ASL: variants seen among roughly 807,000 people sequenced by gnomAD.
The protein encoded by ASL is argininosuccinase.
ASL carries 51 observed loss-of-function variants against 69.1 expected under a neutral mutation model. The observed-to-expected ratio is 0.74, with a 90% CI of 0.59 to 0.93. ASL has a LOEUF of 0.93. ASL is among the 40% of genes least tolerant of loss of function. The pLI, the probability that ASL is intolerant of heterozygous loss-of-function variation, is 0.00. For synonymous variants in ASL, 241 were observed against 247.6 expected (o/e 0.97, Z 0.25); for missense variants, 540 against 623.9 (o/e 0.87, Z 1.43).
intron 14 of ASL, among the ~76,000 whole-genome samples, chr7:66,090,711 C>T (rs1055079334): frequency 6.6e-6 from 1 of 152,164 alleles, no homozygotes; most frequent in Non-Finnish European, 1.5e-5. Context: ...TCTTTACCCA[C>T]AGCTCTCTCC....
intron 2 of ASL, among the ~76,000 whole-genome samples, chr7:66,079,319 CCCTT>C (rs1476950455): frequency 3.9e-5 from 6 of 152,158 alleles, no homozygotes; most frequent in African/African-American, 7.2e-5. Flanking sequence ...ATTGTAGACT[CCCTT>C]CCACAAAAAG....
chr7:66,087,862 T>A, intron 10 of ASL, 71 bp downstream of exon 10: 1 of 1,577,310 alleles, frequency 6.3e-7, no homozygotes, highest in East Asian at 2.2e-5. Flanking sequence ...CTCTCCAGTT[T>A]CCTCCCACAC....
In ASL at chr7:66,081,962, GC is replaced by G; in HGVS notation, c.174del (p.Glu59ArgfsTer9). On this transcript the variant is annotated frameshift_variant, in exon 3 of 17. Coordinates refer to ENST00000304874, the MANE Select transcript of ASL (RefSeq NM_000048.4). LOFTEE classifies it high-confidence loss of function. ...GGAGAAGGCAGGGCTCCTCACCAAG[GC>G]CGAGATGGACCAGATACTCCATGGC... ...GLEKAGLLTKAEMDQILHGLD... is the reference protein window; with the variant it reads ...GLEKAGLLTKXEMDQILHGLD... The G allele has an allele frequency of 6.2e-7, 1 of 1,612,898 alleles. No homozygotes were observed. The highest frequency in any genetic ancestry group is 8.5e-7 in the Non-Finnish European group (1 of 1,179,638).
intron 6 of ASL, 39 bp from the exon 7 acceptor site, chr7:66,086,546 T>C: frequency 6.2e-7 from 1 of 1,608,310 alleles, no homozygotes; most frequent in Non-Finnish European, 8.5e-7. Context: ...AGGCCTTGCA[T>C]GAGCCTCCAC....
rs922825908 is a variant in ASL, at chr7:66,087,193, C to G, written c.603-141C>G. On this transcript the variant is annotated intron_variant, in intron 8 of 16. Transcript: ENST00000304874. ...AGACTGGGCCAGGGAAGAGGCTAAG[C>G]GCCAGGTGGTTGCCCTGGCAACCAG... 1.8e-5 allele frequency: 17 copies of G among 954,956 alleles called. No individual in the cohort carries two copies. The African/African-American group carries it at 2.4e-4, about 14-fold the overall frequency. 59.2% of individuals were successfully genotyped at this position (954,956 alleles called of 1,614,324 possible).
chr7:66,082,006 C>A lies in ASL; in HGVS notation c.207+9C>A, dbSNP rs766219256. The A allele has an allele frequency of 1.3e-6, 2 of 1,594,468 alleles. No homozygotes were observed. The highest frequency in any genetic ancestry group is 2.3e-5 in the East Asian group (1 of 44,084). Reference sequence around the variant, plus strand: ...TCCATGGCCTAGACAAGGTACTTGCCGTGGCCCAAGCCCCACCCAAGGCCC... The same window carrying A: ...TCCATGGCCTAGACAAGGTACTTGCAGTGGCCCAAGCCCCACCCAAGGCCC... On this transcript the variant is annotated intron_variant, in intron 3 of 16. Coordinates refer to ENST00000304874, the MANE Select transcript of ASL (RefSeq NM_000048.4).
chr7:66,092,134 C>G (rs772296899), intron 15 of ASL, 48 bp downstream of exon 15: 2 of 1,594,752 alleles, frequency 1.3e-6, no homozygotes, highest in African/African-American at 1.3e-5. Flanking sequence ...GGGTGCCCCC[C>G]CCAGAGGGTG....
intron 2 of ASL, among the ~76,000 whole-genome samples, 156 bp downstream of exon 2, chr7:66,076,249 T>G (rs1377857349): frequency 6.6e-6 from 1 of 152,144 alleles, no homozygotes; most frequent in Non-Finnish European, 1.5e-5. Context: ...CCCGGGCGCA[T>G]CATCTGGAGC....
intron 2 of ASL, among the ~76,000 whole-genome samples, chr7:66,079,513 G>GGGAAGCTGA (rs1356353719): frequency 2.0e-5 from 3 of 152,194 alleles, no homozygotes; most frequent in Admixed American, 2.0e-4. Flanking sequence ...TCAGCACTTT[G>GGGAAGCTGA]GGAAGCTGAG....
chr7:66,080,937 C>A (rs1459969986), intron 2 of ASL, among the ~76,000 whole-genome samples: 1 of 152,210 alleles, frequency 6.6e-6, no homozygotes, highest in East Asian at 1.9e-4. Flanking sequence ...TTGGTGGAGA[C>A]CCTCAAGGCC....
At chr7:66,082,965 G>T (rs769740090) in intron 5 of ASL, 29 bp downstream of exon 5, 1 of 1,612,452 alleles carries the variant, frequency 6.2e-7, no homozygotes. Context: ...CCCCTGCTCC[G>T]TGTTGTCCCA....
At chr7:66,081,404 A>T (rs1786499556) in intron 2 of ASL, among the ~76,000 whole-genome samples, 1 of 152,056 alleles carries the variant, frequency 6.6e-6, no homozygotes, top group Admixed American at 6.6e-5. Context: ...ACATGGTGAA[A>T]CCCCATCTCT....
chr7:66,088,789 G>A lies in ASL; in HGVS notation c.719-18G>A. ...TGGGGATGGGAGAGGCCTGGTGACT[G>A]GGAACCTTTTCTCCCAGCCGAGTTC... On this transcript the variant is annotated intron_variant, in intron 10 of 16. Coordinates refer to ENST00000304874, the MANE Select transcript of ASL (RefSeq NM_000048.4). 2.5e-6 allele frequency: 4 copies of A among 1,605,700 alleles called. No individual in the cohort carries two copies. Among genetic ancestry groups the A allele is most frequent in the South Asian group, 1.1e-5 (1 of 89,934 alleles).
Position 66,076,047 on chromosome 7 carries a change from G to T in ASL, c.-35G>T. The T allele has an allele frequency of 6.3e-7, 1 of 1,592,598 alleles. No homozygotes were observed. The highest frequency in any genetic ancestry group is 1.1e-5 in the South Asian group (1 of 87,484). On this transcript the variant is annotated 5_prime_UTR_variant, in exon 2 of 17. Transcript: ENST00000304874. ...CCGGTCTTGTCTTCCAGACCCGGAG[G>T]ACCGAAGCTTCCGGACGACGAGGAA...
At chr7:66,090,560 C>T (rs139295490) in intron 14 of ASL, among the ~76,000 whole-genome samples, 22 of 152,244 alleles carry the variant, frequency 1.4e-4, no homozygotes, top group African/African-American at 5.3e-4. Flanking sequence ...AGGCATGAGC[C>T]ACTTTGCCTG....
rs1786755567 is a variant in ASL at position 66,089,001 on chromosome 7, C to T, written c.833+80C>T. On this transcript the variant is annotated intron_variant, in intron 11 of 16. Coordinates refer to ENST00000304874, the MANE Select transcript of ASL (RefSeq NM_000048.4). Reference sequence around the variant, plus strand: ...CGCCCGCGGACGTGGCTGCCTTCCTCCCCGTCCCACCCCTCCGCCAGACCT... The same window carrying T: ...CGCCCGCGGACGTGGCTGCCTTCCTTCCCGTCCCACCCCTCCGCCAGACCT... The T allele has an allele frequency of 5.0e-6, 8 of 1,607,934 alleles. No individual in the cohort carries two copies. In the South Asian group the frequency reaches 5.5e-5, roughly 11 times the overall value.
At chr7:66,084,422 A>G (rs1786600517) in intron 6 of ASL, among the ~76,000 whole-genome samples, 1 of 152,034 alleles carries the variant, frequency 6.6e-6, no homozygotes, top group Non-Finnish European at 1.5e-5. Flanking sequence ...TCGGCCTGCC[A>G]AAGTGCTAGG....
chr7:66,091,052 C>A (rs1481718883), intron 14 of ASL, among the ~76,000 whole-genome samples: 3 of 144,626 alleles, frequency 2.1e-5, no homozygotes, highest in African/African-American at 7.8e-5. Context: ...GAGCAGAGAT[C>A]ACGCCACTGC....
chr7:66,084,163 TG>T (rs1266166054), intron 6 of ASL, among the ~76,000 whole-genome samples: 1 of 149,684 alleles, frequency 6.7e-6, no homozygotes, highest in Non-Finnish European at 1.5e-5. Context: ...TGTTTGTTGT[TG>T]TTTTTTTTTT....
Sources: gnomAD v4.1 joint callset for allele counts (sites outside exome capture counted in the v4.1 genomes callset) on GRCh38, gnomAD v4.1.1 for gene constraint, MANE v1.5 for transcripts, NCBI Gene and HGNC (gene_info 2026-07-23, HGNC 2026-07-21) for gene names.